Variants in FAAH2 observed in about 807,000 individuals in gnomAD.
The protein encoded by FAAH2 is fatty-acid amide hydrolase 2.
A neutral mutation model predicts 36.9 loss-of-function variants in FAAH2; 60 were observed. The ratio of observed to expected loss-of-function variants is 1.63; its 90% confidence interval spans 1.32 to 2.02. FAAH2 has a LOEUF of 2.02. Among genes scored for constraint, FAAH2 ranks in the 30% most tolerant of loss-of-function variants. The probability of loss-of-function intolerance (pLI) is 0.00; values close to 1 mark genes in which losing one functional copy is unlikely to be tolerated. For missense variants in FAAH2, 689 were observed against 397.5 expected (o/e 1.73, Z -6.23); for synonymous variants, 214 against 143.8 (o/e 1.49, Z -3.49).
intron 10 of FAAH2, among the ~76,000 whole-genome samples, chrX:57,467,123 T>C (rs906631824): frequency 7.2e-5 from 8 of 111,042 alleles, no homozygotes; most frequent in African/African-American, 2.6e-4. Context: ...TTGATTTGGG[T>C]TCCAAGATGG....
rs200791567 is a variant in FAAH2 at position 57,381,029 on chromosome X, G to C, written c.996G>C (p.Lys332Asn). 9.0e-5 allele frequency: 104 copies of C among 1,150,738 alleles called. 1 individual carries two copies. The highest frequency in any genetic ancestry group is 1.7e-4 in the Admixed American group (7 of 41,540). 94.8% of individuals were successfully genotyped at this position (1,150,738 alleles called of 1,213,427 possible). A position where few individuals can be genotyped will look rare whatever the true frequency, so the allele number is the denominator to read the frequency against. Residue 332 changes from lysine to asparagine, a missense_variant and splice_region_variant, in exon 7 of 11, where the codon AAG becomes AAC. Coordinates refer to ENST00000374900, the MANE Select transcript of FAAH2 (RefSeq NM_174912.4). ...AAGATCTCATTATGACTCAGAAAAA[G>C]GTAATTTTAAATAAAATTTGTTTAG... ...VDQDLIMTQK[K>N]VVVHLETILG...
chrX:57,338,925 C>T (rs755897938), intron 4 of FAAH2, among the ~76,000 whole-genome samples: 1 of 111,211 alleles, frequency 9.0e-6, no homozygotes, highest in Non-Finnish European at 1.9e-5. Context: ...TTAAAATTCA[C>T]GTGGAGACAA....
At chrX:57,455,051 G>C (rs760683902) in intron 10 of FAAH2, among the ~76,000 whole-genome samples, 2 of 111,447 alleles carry the variant, frequency 1.8e-5, no homozygotes, top group South Asian at 7.5e-4. Context: ...TAGCTAAAGA[G>C]AAAAATCAGG....
chrX:57,433,301 G>A (rs770155012), intron 8 of FAAH2, among the ~76,000 whole-genome samples: 1 of 110,219 alleles, frequency 9.1e-6, no homozygotes, highest in Admixed American at 9.6e-5. Flanking sequence ...ACTTTTTTAT[G>A]ATACCAGATT....
chrX:57,329,171 T>A (rs1266473206), intron 3 of FAAH2, among the ~76,000 whole-genome samples: 3 of 112,298 alleles, frequency 2.7e-5, no homozygotes, highest in Non-Finnish European at 5.6e-5. Context: ...TCACAGCAAT[T>A]GGCAATATTG....
At chrX:57,245,816 T>C in the FAAH2 span, among the ~76,000 whole-genome samples, 1 of 110,924 alleles carries the variant, frequency 9.0e-6, no homozygotes, top group Non-Finnish European at 1.9e-5. Flanking sequence ...AATTAAACGA[T>C]CTAGAGAAGC....
At chrX:57,353,585 A>C (rs1158269899) in intron 5 of FAAH2, among the ~76,000 whole-genome samples, 2 of 109,446 alleles carry the variant, frequency 1.8e-5, no homozygotes, top group Admixed American at 1.9e-4. Flanking sequence ...AGCACAGTCA[A>C]TAGAAACAAA....
chrX:57,351,150 C>G (rs1347053457), intron 5 of FAAH2, among the ~76,000 whole-genome samples: 1 of 111,188 alleles, frequency 9.0e-6, no homozygotes, highest in Non-Finnish European at 1.9e-5. Context: ...TCTTTTCAGA[C>G]CACAGTGGAA....
intron 7 of FAAH2, among the ~76,000 whole-genome samples, chrX:57,392,168 C>G (rs1299475784): frequency 2.7e-5 from 3 of 111,117 alleles, no homozygotes; most frequent in Admixed American, 1.9e-4. Context: ...ATTTGGTATC[C>G]TGAAACTTTA....
chrX:57,370,265 A>C (rs2054517855), intron 5 of FAAH2, among the ~76,000 whole-genome samples: 1 of 111,884 alleles, frequency 8.9e-6, no homozygotes, highest in Non-Finnish European at 1.9e-5. Flanking sequence ...AAAGTGGATG[A>C]ATAGATAAAA....
At chrX:57,404,619 C>T (rs1410056801) in intron 7 of FAAH2, among the ~76,000 whole-genome samples, 2 of 111,385 alleles carry the variant, frequency 1.8e-5, no homozygotes, top group Non-Finnish European at 3.8e-5. Context: ...AGCCTAGGGG[C>T]CTAAGGATGC....
intron 7 of FAAH2, among the ~76,000 whole-genome samples, chrX:57,424,651 C>A (rs1409302282): frequency 8.9e-6 from 1 of 111,978 alleles, no homozygotes; most frequent in Admixed American, 9.5e-5. Flanking sequence ...AGAGTGCTTA[C>A]CACTAAAAAC....
At chrX:57,406,619 C>A (rs980791113) in intron 7 of FAAH2, among the ~76,000 whole-genome samples, 21 of 112,540 alleles carry the variant, frequency 1.9e-4, no homozygotes, top group African/African-American at 6.4e-4. Flanking sequence ...TATATGCTGT[C>A]TTTTATCTCT....
chrX:57,413,349 G>A (rs1460433090), intron 7 of FAAH2, among the ~76,000 whole-genome samples: 1 of 112,105 alleles, frequency 8.9e-6, no homozygotes, highest in Non-Finnish European at 1.9e-5. Context: ...GGTTTTTATG[G>A]TTTTAGGTCT....
chrX:57,401,225 G>A (rs898991267), intron 7 of FAAH2, among the ~76,000 whole-genome samples: 2 of 112,112 alleles, frequency 1.8e-5, no homozygotes, highest in African/African-American at 3.2e-5. Context: ...CATACCAAAA[G>A]ACAAGAGTGT....
Position 57,380,987 on chromosome X carries a change from A to T in FAAH2, c.954A>T (p.Leu318Phe), listed in dbSNP as rs748558287. 8.3e-7 allele frequency: 1 copy of T among 1,199,429 alleles called. No individual in the cohort carries two copies. The highest frequency in any genetic ancestry group is 1.1e-6 in the Non-Finnish European group (1 of 889,135). Residue 318 changes from leucine to phenylalanine, a missense_variant, in exon 7 of 11, where the codon TTA becomes TTT. Transcript: ENST00000374900. The stretch of plus-strand genomic sequence containing the variant: ...TGGAACATGATGGAGGCTCATTTTT[A>T]ATGTCCAAAGTGGACCAAGATCTCA... ...YWMEHDGGSF[L>F]MSKVDQDLIM...
chrX:57,421,529 A>G (rs982241421), intron 7 of FAAH2, among the ~76,000 whole-genome samples: 11 of 111,844 alleles, frequency 9.8e-5, no homozygotes, highest in African/African-American at 3.6e-4. Context: ...TTCCTGGCTT[A>G]CAGATGGCCA....
At chrX:57,162,941 T>G in the FAAH2 span, among the ~76,000 whole-genome samples, 1 of 112,661 alleles carries the variant, frequency 8.9e-6, no homozygotes, top group East Asian at 2.8e-4. Flanking sequence ...GGCGCTCTGC[T>G]TTTTAGAGTT....
chrX:57,434,591 A>T (rs2056371693), intron 8 of FAAH2, among the ~76,000 whole-genome samples: 1 of 110,363 alleles, frequency 9.1e-6, no homozygotes, highest in Admixed American at 9.8e-5. Flanking sequence ...GAAGTAATCC[A>T]ATCAAACAAA....
Sources: allele counts gnomAD v4.1 joint callset (sites outside exome capture counted in the v4.1 genomes callset), GRCh38; gene constraint gnomAD v4.1.1; transcripts MANE v1.5; gene names NCBI Gene and HGNC (gene_info 2026-07-23, HGNC 2026-07-21).